The following SYNPO2 variants were observed in gnomAD, a reference collection of about 807,000 sequenced individuals.
SYNPO2 encodes synaptopodin 2.
In SYNPO2, 56 loss-of-function variants were observed where a neutral mutation model predicts 85.0. The observed-to-expected ratio is 0.66, with a 90% CI of 0.53 to 0.82. The LOEUF is 0.82. Among genes scored for constraint, SYNPO2 ranks in the 40% least tolerant of loss-of-function variants. The pLI is 0.00. For synonymous variants in SYNPO2, 602 were observed against 591.1 expected, an observed-to-expected ratio of 1.02 and a Z score of -0.27; for missense variants, 1,575 against 1,534.2, an observed-to-expected ratio of 1.03 and a Z score of -0.44.
chr4:119,048,946 G>A (rs973470251), intron 4 of SYNPO2, among the ~76,000 whole-genome samples: 3 of 152,130 alleles, frequency 2.0e-5, no homozygotes, highest in Admixed American at 6.6e-5. Context: ...GTTTTAACTG[G>A]GTAGTTTTGG....
chr4:118,887,196 T>TGTGTGTGA (rs1732215487), upstream of SYNPO2, among the ~76,000 whole-genome samples: 1 of 150,292 alleles, frequency 6.7e-6, no homozygotes, highest in African/African-American at 2.4e-5. Flanking sequence ...TGTGTGTGTG[T>TGTGTGTGA]GTGTGTGCAC....
At chr4:118,941,102 G>A (rs1019374150) in intron 1 of SYNPO2, among the ~76,000 whole-genome samples, 2 of 152,158 alleles carry the variant, frequency 1.3e-5, no homozygotes, top group African/African-American at 4.8e-5. Flanking sequence ...ATGTCTAACA[G>A]ACACCTCAAA....
At chr4:119,021,039 ATAAAT>A (rs1349910048) in intron 1 of SYNPO2, among the ~76,000 whole-genome samples, 7 of 152,230 alleles carry the variant, frequency 4.6e-5, no homozygotes, top group African/African-American at 1.4e-4. Flanking sequence ...TATTCCAAAA[ATAAAT>A]TATATTTTCC....
intron 4 of SYNPO2, among the ~76,000 whole-genome samples, chr4:119,040,423 C>T (rs1738670460): frequency 6.6e-6 from 1 of 152,138 alleles, no homozygotes; most frequent in African/African-American, 2.4e-5. Flanking sequence ...GTTTACATTC[C>T]TCTGTATTCA....
At chr4:118,927,749 T>TATATAGACA (rs1553938465) in intron 1 of SYNPO2, among the ~76,000 whole-genome samples, 1,823 of 117,252 alleles carry the variant, frequency 0.016, 24 homozygotes, top group Middle Eastern at 0.027. Context: ...GATAGATAGA[T>TATATAGACA]GATAGATAGA....
At chr4:119,043,817 A>C (rs1454609861) in intron 4 of SYNPO2, 2 of 152,126 alleles carry the variant, frequency 1.3e-5, no homozygotes, top group Non-Finnish European at 2.9e-5. Context: ...ACATGCCTGT[A>C]ATCCCAGGTA....
intron 1 of SYNPO2, among the ~76,000 whole-genome samples, chr4:118,869,600 G>C (rs4615160): frequency 6.6e-6 from 1 of 151,874 alleles, no homozygotes; most frequent in Non-Finnish European, 1.5e-5. Flanking sequence ...TTGACTGGCC[G>C]TGTTGGAAGT....
At chr4:119,035,432 C>A (rs2149194004) in intron 4 of SYNPO2, 2 of 985,376 alleles carry the variant, frequency 2.0e-6, no homozygotes, top group Non-Finnish European at 2.4e-6. Context: ...TTTGACACAT[C>A]CTGTTTTTTA....
intron 1 of SYNPO2, among the ~76,000 whole-genome samples, chr4:118,859,235 G>T (rs1399935852): frequency 6.6e-6 from 1 of 152,070 alleles, no homozygotes; most frequent in Non-Finnish European, 1.5e-5. Flanking sequence ...ATAAAAGCAA[G>T]TTACATTATT....
chr4:118,891,265 A>G (rs535391021), intron 1 of SYNPO2, among the ~76,000 whole-genome samples: 1 of 152,344 alleles, frequency 6.6e-6, no homozygotes, highest in East Asian at 1.9e-4. Context: ...TTGTGATACT[A>G]TACTTAGAGC....
intron 4 of SYNPO2, chr4:119,036,508 G>A (rs2149194636): frequency 1.0e-6 from 1 of 985,372 alleles, no homozygotes. Context: ...TCCTACCAGG[G>A]TTGGCCAAGG....
intron 1 of SYNPO2, among the ~76,000 whole-genome samples, chr4:118,866,593 G>T (rs921229707): frequency 1.3e-5 from 2 of 152,156 alleles, no homozygotes; most frequent in African/African-American, 4.8e-5. Flanking sequence ...CCTTTGATAT[G>T]GTTTGGTTCT....
chr4:118,934,247 T>G (rs1264705875), intron 1 of SYNPO2, among the ~76,000 whole-genome samples: 1 of 152,134 alleles, frequency 6.6e-6, no homozygotes, highest in African/African-American at 2.4e-5. Flanking sequence ...AATCGAAAAG[T>G]CCATTGGGAC....
chr4:118,878,334 A>G (rs1444678119), intron 1 of SYNPO2, among the ~76,000 whole-genome samples: 1 of 152,224 alleles, frequency 6.6e-6, no homozygotes, highest in Admixed American at 6.5e-5. Context: ...AAACTTGCAC[A>G]TGTACCCCTG....
At chr4:118,855,086 T>G (rs1366753416) in intron 1 of SYNPO2, among the ~76,000 whole-genome samples, 1 of 151,186 alleles carries the variant, frequency 6.6e-6, no homozygotes, top group Non-Finnish European at 1.5e-5. Flanking sequence ...CAACAATATT[T>G]GCAAACAGGA....
chr4:118,995,478 T>G (rs989350909), intron 1 of SYNPO2, among the ~76,000 whole-genome samples: 2 of 152,212 alleles, frequency 1.3e-5, no homozygotes, highest in Non-Finnish European at 1.5e-5. Context: ...ATTTCCAATT[T>G]TACAAATGAG....
intron 4 of SYNPO2, among the ~76,000 whole-genome samples, chr4:119,048,991 A>T (rs79019522): frequency 6.6e-6 from 1 of 152,242 alleles, no homozygotes; most frequent in Admixed American, 6.5e-5. Flanking sequence ...GGAAGCAAGA[A>T]TGAAACTAGG....
intron 1 of SYNPO2, among the ~76,000 whole-genome samples, chr4:118,968,657 T>C (rs1298734719): frequency 6.6e-6 from 1 of 152,208 alleles, no homozygotes; most frequent in Non-Finnish European, 1.5e-5. Flanking sequence ...AAGAGCAGTG[T>C]CTTCTGGGAG....
At chr4:118,958,827 G>A (rs551228764) in intron 1 of SYNPO2, among the ~76,000 whole-genome samples, 20 of 152,258 alleles carry the variant, frequency 1.3e-4, no homozygotes, top group African/African-American at 2.2e-4. Flanking sequence ...GATTTTGAGC[G>A]TTAAGTTCTA....
Sources: allele counts gnomAD v4.1 joint callset (sites outside exome capture counted in the v4.1 genomes callset), GRCh38; gene constraint gnomAD v4.1.1; transcripts MANE v1.5; gene names NCBI Gene and HGNC (gene_info 2026-07-23, HGNC 2026-07-21).